The following APBB1IP variants were observed in gnomAD, a reference collection of about 807,000 sequenced individuals.
The protein encoded by APBB1IP is amyloid beta precursor protein binding family B member 1 interacting protein, also known as amyloid beta A4 precursor protein-binding family B member 1-interacting protein.
A neutral mutation model predicts 64.9 loss-of-function variants in APBB1IP; 27 were observed. That is an observed-to-expected ratio of 0.42 (90% confidence interval 0.31 to 0.57). APBB1IP has a LOEUF of 0.57. Among genes scored for constraint, APBB1IP ranks in the 20% least tolerant of loss-of-function variants. The pLI, the probability that APBB1IP is intolerant of heterozygous loss-of-function variation, is 0.20. For synonymous variants in APBB1IP, 392 were observed against 331.0 expected (o/e 1.18, Z -2.00); for missense variants, 812 against 845.5 (o/e 0.96, Z 0.49).
At chr10:26,531,066 T>G (rs564413332) in intron 8 of APBB1IP, among the ~76,000 whole-genome samples, 2 of 152,294 alleles carry the variant, frequency 1.3e-5, no homozygotes, top group East Asian at 3.9e-4. Flanking sequence ...AAAAGAATTG[T>G]ACTTGGCCAG....
chr10:26,462,605 G>A (rs1314051216), intron 2 of APBB1IP, among the ~76,000 whole-genome samples: 1 of 152,146 alleles, frequency 6.6e-6, no homozygotes, highest in East Asian at 1.9e-4. Flanking sequence ...TCCTTTTAAT[G>A]TATTTATGGG....
intron 2 of APBB1IP, among the ~76,000 whole-genome samples, chr10:26,454,976 A>G (rs1481313376): frequency 6.6e-6 from 1 of 152,220 alleles, no homozygotes. Context: ...CCACAGTTTG[A>G]CAACACATGA....
At chr10:26,545,877 G>A (rs1432141205) in intron 11 of APBB1IP, among the ~76,000 whole-genome samples, 1 of 152,188 alleles carries the variant, frequency 6.6e-6, no homozygotes, top group Non-Finnish European at 1.5e-5. Flanking sequence ...TTGAACCCCG[G>A]GAGGTGGAGG....
intron 2 of APBB1IP, among the ~76,000 whole-genome samples, chr10:26,484,345 G>A (rs958238075): frequency 2.0e-5 from 3 of 152,160 alleles, no homozygotes; most frequent in East Asian, 1.9e-4. Flanking sequence ...TTGCTCTGTC[G>A]CCCAGGCTGG....
At chr10:26,530,758 C>G (rs1836542854) in intron 8 of APBB1IP, among the ~76,000 whole-genome samples, 2 of 152,070 alleles carry the variant, frequency 1.3e-5, no homozygotes, top group South Asian at 4.1e-4. Context: ...TCACTTAATC[C>G]TCTGTGTCCT....
Position 26,564,073 on chromosome 10 carries a change from C to A in APBB1IP, c.1473+1644C>A, listed in dbSNP as rs184787226. On this transcript the variant is annotated intron_variant, in intron 14 of 14. Transcript: ENST00000376236. ...ATACATCACCAGTTAAAGAGCTTAT[C>A]ATGTGAAGTAAATAAACTAAATAAA... Among the ~76,000 whole-genome samples, 250 of 150,200 alleles carry A rather than the reference C, an allele frequency of 1.7e-3. 5 individuals are homozygous for A. Among genetic ancestry groups the A allele is most frequent in the African/African-American group, 5.8e-3 (241 of 41,348 alleles).
At chr10:26,523,888 T>TC in intron 8 of APBB1IP, among the ~76,000 whole-genome samples, 1 of 152,250 alleles carries the variant, frequency 6.6e-6, no homozygotes, top group Admixed American at 6.5e-5. Context: ...GGCTCAGGCT[T>TC]CCCCATGGTT....
At chr10:26,487,064 A>G (rs141096026) in intron 2 of APBB1IP, among the ~76,000 whole-genome samples, 1 of 152,162 alleles carries the variant, frequency 6.6e-6, no homozygotes, top group East Asian at 1.9e-4. Context: ...ACATACTCAC[A>G]AAAAGATTCT....
At chr10:26,534,198 C>A (rs1836590534) in intron 9 of APBB1IP, among the ~76,000 whole-genome samples, 1 of 149,588 alleles carries the variant, frequency 6.7e-6, no homozygotes, top group Non-Finnish European at 1.5e-5. Flanking sequence ...TGGGGGCACA[C>A]ACCTGTAATC....
At chr10:26,514,090 A>G (rs1398890194) in intron 8 of APBB1IP, among the ~76,000 whole-genome samples, 1 of 152,222 alleles carries the variant, frequency 6.6e-6, no homozygotes, top group Non-Finnish European at 1.5e-5. Flanking sequence ...GTCTCACAAA[A>G]TATCACAAAT....
intron 2 of APBB1IP, among the ~76,000 whole-genome samples, chr10:26,451,183 T>A (rs984429860): frequency 1.3e-5 from 2 of 152,172 alleles, no homozygotes; most frequent in African/African-American, 2.4e-5. Flanking sequence ...CTTTATCATA[T>A]GAAATTAAGG....
At chr10:26,499,325 A>G (rs1318126898) in intron 4 of APBB1IP, among the ~76,000 whole-genome samples, 1 of 152,082 alleles carries the variant, frequency 6.6e-6, no homozygotes, top group African/African-American at 2.4e-5. Flanking sequence ...CAAAAAAAAA[A>G]AGAAAAGAAA....
Position 26,567,154 on chromosome 10 carries a change from C to T in APBB1IP, c.1667C>T (p.Pro556Leu), listed in dbSNP as rs1275484655. 1.4e-6 allele frequency: 2 copies of T among 1,412,852 alleles called. No homozygotes were observed. Among genetic ancestry groups the T allele is most frequent in the South Asian group, 1.4e-5 (1 of 69,340 alleles). 87.5% of individuals were successfully genotyped at this position (1,412,852 alleles called of 1,614,324 possible). A position where few individuals can be genotyped will look rare whatever the true frequency, so the allele number is the denominator to read the frequency against. ...GCCCCACCCGACGACTTCCTGCCGC[C>T]GCCGCCACCGCCGCCGCCCCTCGAT... is the stretch of plus-strand genomic sequence containing the variant. ...LPAPPDDFLP[P>L]PPPPPPLDDP... Residue 556 changes from proline (P) to leucine (L), a missense_variant, in exon 15 of 15, where the codon CCG (proline) becomes CTG (leucine). This residue lies in a region of APBB1IP where 381 missense variants were observed against 352.1 expected (regional missense o/e 1.08). Transcript: ENST00000376236.
In APBB1IP at chr10:26,551,238, G is replaced by T. The variant is rs141255761; in HGVS notation, c.1156-8867G>T. Reference sequence around the variant, plus strand: ...GGCCTCACGTGTTTCAGCCCCGTTGGTACTTGGTACTCACAGTGCTCTCCA... The same window carrying T: ...GGCCTCACGTGTTTCAGCCCCGTTGTTACTTGGTACTCACAGTGCTCTCCA... On this transcript the variant is annotated intron_variant, in intron 11 of 14. Coordinates refer to ENST00000376236, the MANE Select transcript of APBB1IP (RefSeq NM_019043.4). Among the ~76,000 whole-genome samples, 932 of 152,304 alleles carry T rather than the reference G, an allele frequency of 6.1e-3. 12 individuals are homozygous for T. The highest frequency in any genetic ancestry group is 0.022 in the African/African-American group (897 of 41,564).
intron 4 of APBB1IP, among the ~76,000 whole-genome samples, chr10:26,500,210 C>CAAAAAAAA (rs199918930): frequency 1.2e-5 from 1 of 86,418 alleles, no homozygotes. Context: ...GACTCTGTCT[C>CAAAAAAAA]AAAAAAAAAA....
At chr10:26,522,380 A>G (rs1836413716) in intron 8 of APBB1IP, among the ~76,000 whole-genome samples, 1 of 152,106 alleles carries the variant, frequency 6.6e-6, no homozygotes, top group South Asian at 2.1e-4. Context: ...CGTTATTATC[A>G]CCCAAAGTCC....
chr10:26,447,236 A>T (rs978440699), intron 2 of APBB1IP, among the ~76,000 whole-genome samples: 9 of 151,564 alleles, frequency 5.9e-5, no homozygotes. Context: ...TTAGCCAGGC[A>T]TGGTGGTGGG....
intron 2 of APBB1IP, among the ~76,000 whole-genome samples, chr10:26,454,714 G>T (rs1190279926): frequency 6.6e-6 from 1 of 152,130 alleles, no homozygotes; most frequent in African/African-American, 2.4e-5. Context: ...ATAACTCAAA[G>T]AATATAATTG....
At chr10:26,469,629 A>G (rs531959709) in intron 2 of APBB1IP, among the ~76,000 whole-genome samples, 5 of 152,028 alleles carry the variant, frequency 3.3e-5, no homozygotes. Context: ...GATTCATTGG[A>G]TACGTGTACA....
Sources: allele counts gnomAD v4.1 joint callset (sites outside exome capture counted in the v4.1 genomes callset), GRCh38; gene constraint gnomAD v4.1.1; regional missense constraint gnomAD v4.1.1; transcripts MANE v1.5; gene names NCBI Gene and HGNC (gene_info 2026-07-23, HGNC 2026-07-21).